Variants in MCF2L observed in about 807,000 individuals in gnomAD.
MCF2L encodes guanine nucleotide exchange factor DBS.
Under a neutral mutation model 153.4 loss-of-function variants are expected in MCF2L, and 97 were observed. The observed-to-expected ratio is 0.63, with a 90% CI of 0.54 to 0.75. The LOEUF (loss-of-function observed/expected upper bound fraction) is 0.75. Ranked by LOEUF, MCF2L falls within the 30% of genes least tolerant of loss-of-function variation. The pLI is 0.00. For missense variants in MCF2L, 1,347 were observed against 1,495.2 expected (o/e 0.90, Z 1.64); for synonymous variants, 659 against 632.2 (o/e 1.04, Z -0.64).
At position 112,993,463 on chromosome 13, in the gene MCF2L, G is replaced by A. The variant is rs1444382243; in HGVS notation, c.80-21300G>A. On this transcript the variant is annotated intron_variant, in intron 1 of 29. Transcript: ENST00000535094. The surrounding 1 kb of genome is among the most constrained non-coding windows in gnomAD (Gnocchi z 4.6). The stretch of plus-strand genomic sequence containing the variant: ...GGAAATCAGGGAGCAGGTGGCAGTC[G>A]GGAGGGACTGCATGGAAACAAGTGG... Among the ~76,000 whole-genome samples, 2 of 152,054 alleles carry A rather than the reference G, an allele frequency of 1.3e-5. No homozygotes were observed. Among genetic ancestry groups the A allele is most frequent in the South Asian group, 2.1e-4 (1 of 4,818 alleles).
In MCF2L at chr13:112,951,236, A is replaced by C. The variant is rs1307433350; in HGVS notation, c.169+48865A>C. Among the ~76,000 whole-genome samples the C allele has an allele frequency of 6.6e-6, 1 of 152,168 alleles. No homozygotes were observed. The highest frequency in any genetic ancestry group is 1.5e-5 in the Non-Finnish European group (1 of 68,038). The stretch of plus-strand genomic sequence containing the variant: ...GGCAGGGATGTGGATAAACTGGGTT[A>C]CTCCTAAGTTGCTGGTGGGAATGTA... On this transcript the variant is annotated intron_variant, in intron 2 of 29. Coordinates refer to the MCF2L transcript ENST00000375608. This position sits in a 1 kb window ranked among gnomAD's most constrained non-coding sequence, Gnocchi z 4.8.
intron 1 of MCF2L, among the ~76,000 whole-genome samples, chr13:112,970,281 C>T (rs546922958): frequency 5.3e-5 from 8 of 152,206 alleles, no homozygotes; most frequent in Non-Finnish European, 1.5e-5. Context: ...TAGTACTTGC[C>T]TGGGAGATTA....
rs2086099363 is a variant in MCF2L at position 113,035,498 on chromosome 13, T to A, written c.279-9773T>A. On this transcript the variant is annotated intron_variant, in intron 3 of 29. Transcript: ENST00000535094. The surrounding 1 kb of genome is among the most constrained non-coding windows in gnomAD (Gnocchi z 4.4). Reference sequence around the variant, plus strand: ...TCAAACCCCCTCTGCGATGTGCAGCTCTGGGTGTCTGATCCCTCAGGGGTC... The same window carrying A: ...TCAAACCCCCTCTGCGATGTGCAGCACTGGGTGTCTGATCCCTCAGGGGTC... Among the ~76,000 whole-genome samples the A allele has an allele frequency of 6.6e-6, 1 of 152,190 alleles. No individual in the cohort carries two copies. The highest frequency in any genetic ancestry group is 2.1e-4 in the South Asian group (1 of 4,822).
chr13:112,911,600 T>G (rs1231284569), intron 2 of MCF2L, among the ~76,000 whole-genome samples: 1 of 152,174 alleles, frequency 6.6e-6, no homozygotes, highest in African/African-American at 2.4e-5. Context: ...CCTGCTGTGG[T>G]CACCCGGGCT....
rs200455650 is a variant in MCF2L, at chr13:113,078,343, G to A, written c.1661-20G>A. The A allele has an allele frequency of 2.0e-4, 320 of 1,603,302 alleles. 1 individual carries two copies. Among genetic ancestry groups the A allele is most frequent in the Middle Eastern group, 9.9e-4 (6 of 6,052 alleles). ...AGGGTCAGAGGGGACTTCATGCCCC[G>A]CTCCCCTTCTTCCCAACAGGCATTC... On this transcript the variant is annotated intron_variant, in intron 13 of 29. Transcript: ENST00000535094.
chr13:112,956,161 C>T lies in MCF2L; in HGVS notation c.169+53790C>T, dbSNP rs77787911. The T allele has an allele frequency of 7.3e-3, 1,122 of 154,024 alleles. 16 individuals carry two copies. Among genetic ancestry groups the T allele is most frequent in the African/African-American group, 0.025 (1,041 of 41,606 alleles). The allele number at this position is 154,024 out of a possible 1,614,324, so 9.5% of individuals were successfully genotyped here. A position where few individuals can be genotyped will look rare whatever the true frequency, so the allele number is the denominator to read the frequency against. On this transcript the variant is annotated intron_variant, in intron 2 of 29. Transcript: ENST00000375608. ...GAGGGCATCCCTGGTCCGCAGAGGC[C>T]GGTCTGTGCCGCAAAGCCTGGGCGC...
rs1455690206 is a variant in MCF2L at position 113,074,205 on chromosome 13, A to G, written c.997-239A>G. Among the ~76,000 whole-genome samples the G allele has an allele frequency of 6.6e-6, 1 of 152,120 alleles. No homozygotes were observed. Among genetic ancestry groups the G allele is most frequent in the Non-Finnish European group, 1.5e-5 (1 of 68,022 alleles). ...GGCACACACAAGCCACAGAGAAACAATTGTTCTGCCAGTGAGGTCACTGGT... is the reference window on the plus strand; with the variant it reads ...GGCACACACAAGCCACAGAGAAACAGTTGTTCTGCCAGTGAGGTCACTGGT... On this transcript the variant is annotated intron_variant, in intron 9 of 29. Transcript: ENST00000535094. The surrounding 1 kb of genome is among the most constrained non-coding windows in gnomAD (Gnocchi z 4.2).
chr13:112,897,580 T>C (rs1233385192), intron 1 of MCF2L, among the ~76,000 whole-genome samples: 1 of 152,214 alleles, frequency 6.6e-6, no homozygotes. Flanking sequence ...GCCCCACCTG[T>C]TGAGAAAGTG....
chr13:112,981,188 C>G (rs573247287), intron 1 of MCF2L, among the ~76,000 whole-genome samples: 1 of 152,016 alleles, frequency 6.6e-6, no homozygotes, highest in Non-Finnish European at 1.5e-5. Flanking sequence ...GACCCCGACA[C>G]GTCCCCTTCC....
chr13:112,936,008 G>A (rs2081510917), intron 2 of MCF2L, among the ~76,000 whole-genome samples: 1 of 152,184 alleles, frequency 6.6e-6, no homozygotes, highest in Non-Finnish European at 1.5e-5. Flanking sequence ...GGCTGGGCAT[G>A]TTGGCTCTTG....
rs1378556450 is a variant in MCF2L, at chr13:113,045,274, G to A, written c.282G>A (p.Leu94=). 1 of 1,613,596 alleles carries A rather than the reference G, an allele frequency of 6.2e-7. No individual in the cohort carries two copies. Among genetic ancestry groups the A allele is most frequent in the East Asian group, 2.2e-5 (1 of 44,882 alleles). The change falls in exon 4 of 30, where the codon CTG becomes CTA. Residue 94 remains leucine (L), a synonymous_variant. Coordinates refer to ENST00000535094, the MANE Select transcript of MCF2L (RefSeq NM_001112732.3). This position sits in a 1 kb window ranked among gnomAD's most constrained non-coding sequence, Gnocchi z 4.2. ...CGGCGTCTCTTCCTCACTGCAGCCT[G>A]CAGGACGCTGGCATCGGATTCATCC... The part of the protein sequence containing the change: ...VMTYLTSIPS[L]QDAGIGFILV...
At chr13:112,994,996 G>A (rs1348344144) in intron 1 of MCF2L, among the ~76,000 whole-genome samples, 4 of 152,340 alleles carry the variant, frequency 2.6e-5, no homozygotes, top group Middle Eastern at 3.4e-3. Flanking sequence ...GCTCCAGGAC[G>A]GTCCCCAGGG....
intron 3 of MCF2L, 37 bp downstream of exon 3, chr13:113,024,795 G>C: frequency 1.3e-6 from 2 of 1,523,302 alleles, no homozygotes; most frequent in South Asian, 2.2e-5. Context: ...ATTGTGGTTT[G>C]GGGCAGAGTC....
chr13:113,094,842 G>A, intron 27 of MCF2L: 1 of 1,095,270 alleles, frequency 9.1e-7, no homozygotes, highest in South Asian at 1.3e-5. Flanking sequence ...TGGGTCTTGG[G>A]GCACAGCCCC....
rs192975353 is a variant in MCF2L, at chr13:113,035,105, C to T, written c.279-10166C>T. On this transcript the variant is annotated intron_variant, in intron 3 of 29. Transcript: ENST00000535094. This position sits in a 1 kb window ranked among gnomAD's most constrained non-coding sequence, Gnocchi z 4.4. ...ACCCCCGTGCAGACCTCACCATTCC[C>T]GACGGGAACACTTGTGATATTCACT... is the stretch of plus-strand genomic sequence containing the variant. Among the ~76,000 whole-genome samples, 540 of 152,296 alleles carry T rather than the reference C, an allele frequency of 3.5e-3. 2 individuals carry two copies. The highest frequency in any genetic ancestry group is 0.012 in the African/African-American group (483 of 41,570).
chr13:113,095,600 T>G, intron 27 of MCF2L: 1 of 995,258 alleles, frequency 1.0e-6, no homozygotes, highest in Non-Finnish European at 1.2e-6. Flanking sequence ...CACCGTCCTC[T>G]TGCTCCAGGC....
chr13:113,082,620 G>A (rs567517552), intron 17 of MCF2L, 78 bp downstream of exon 17: 15 of 1,094,000 alleles, frequency 1.4e-5, no homozygotes, highest in Admixed American at 3.9e-5. Context: ...GGGCTGGAAT[G>A]GGGGTGGAGG....
rs529826562 is a variant in MCF2L at position 112,924,231 on chromosome 13, G to A, written c.169+21860G>A. Among the ~76,000 whole-genome samples, 12 of 152,060 alleles carry A rather than the reference G, an allele frequency of 7.9e-5. 1 individual carries two copies. The highest frequency in any genetic ancestry group is 3.9e-4 in the East Asian group (2 of 5,174). On this transcript the variant is annotated intron_variant, in intron 2 of 29. Transcript: ENST00000375608. ...GTGAAGCTCCCCACAACCCCCCCACGATGTGTCGTCGTTAGAGTGCCCCCA... is the reference window on the plus strand; with the variant it reads ...GTGAAGCTCCCCACAACCCCCCCACAATGTGTCGTCGTTAGAGTGCCCCCA...
chr13:112,979,367 T>G, intron 1 of MCF2L: 2 of 1,320,778 alleles, frequency 1.5e-6, no homozygotes, highest in East Asian at 3.5e-5. Context: ...CACCTCGGCA[T>G]TGTCTGCCTG....
Sources: gnomAD v4.1 joint callset for allele counts (sites outside exome capture counted in the v4.1 genomes callset) on GRCh38, gnomAD v4.1.1 for gene constraint, Gnocchi (gnomAD v3.1) non-coding constraint, MANE v1.5 for transcripts, NCBI Gene and HGNC (gene_info 2026-07-23, HGNC 2026-07-21) for gene names.